The following FBLN1 variants were observed in gnomAD, a reference collection of about 807,000 sequenced individuals.
FBLN1 encodes the protein fibulin-1.
In FBLN1, 34 loss-of-function variants were observed where a neutral mutation model predicts 89.7. The observed-to-expected ratio is 0.38, with a 90% CI of 0.29 to 0.50. FBLN1 has a LOEUF of 0.50. Ranked by LOEUF, FBLN1 falls within the 20% of genes least tolerant of loss-of-function variation. The pLI, the probability that FBLN1 is intolerant of heterozygous loss-of-function variation, is 0.92. For missense variants in FBLN1, 777 were observed against 988.1 expected (o/e 0.79, Z 2.86); for synonymous variants, 393 against 391.3 (o/e 1.00, Z -0.05).
rs982706182 is a variant in FBLN1, at chr22:45,581,683, G to A, written c.1972+4575G>A. The stretch of plus-strand genomic sequence containing the variant: ...TGCAGGCCAGCCCCTCCTGTCGCAC[G>A]GGCATGACCATGGGGCAGTCAGGGG... On this transcript the variant is annotated intron_variant, in intron 16 of 16. Transcript: ENST00000327858. This position sits in a 1 kb window ranked among gnomAD's most constrained non-coding sequence, Gnocchi z 7.6. Among the ~76,000 whole-genome samples, 2 of 152,068 alleles carry A rather than the reference G, an allele frequency of 1.3e-5. No homozygotes were observed. Among genetic ancestry groups the A allele is most frequent in the African/African-American group, 4.8e-5 (2 of 41,418 alleles).
intron 8 of FBLN1, among the ~76,000 whole-genome samples, chr22:45,540,691 T>C (rs573540661): frequency 3.9e-5 from 6 of 152,332 alleles, no homozygotes; most frequent in East Asian, 1.9e-4. Flanking sequence ...CACTTGCTCA[T>C]TGTATGTCAT....
rs145282536 is a variant in FBLN1 at position 45,590,941 on chromosome 22, CAGG to C, written c.1973-9361_1973-9359del. ...GGACTCCGAGTTTGGGTCGGGGGCC[CAGG>C]AGGACCCCACCCAGCAGGTAGGTGG... On this transcript the variant is annotated intron_variant, in intron 16 of 16. Coordinates refer to ENST00000327858, the MANE Select transcript of FBLN1 (RefSeq NM_006486.3). The surrounding 1 kb of genome is among the most constrained non-coding windows in gnomAD (Gnocchi z 4.1). 0.014 allele frequency among the ~76,000 whole-genome samples: 2,130 copies of C among 152,116 alleles called. 38 individuals carry two copies. Among genetic ancestry groups the C allele is most frequent in the African/African-American group, 0.048 (1,986 of 41,500 alleles).
Position 45,563,208 on chromosome 22 carries a change from A to T in FBLN1, c.1698-11303A>T, listed in dbSNP as rs2088870404. The T allele has an allele frequency of 6.2e-7, 1 of 1,613,634 alleles. No individual in the cohort carries two copies. Among genetic ancestry groups the T allele is most frequent in the Non-Finnish European group, 8.5e-7 (1 of 1,180,038 alleles). On this transcript the variant is annotated intron_variant, in intron 14 of 16. Transcript: ENST00000327858. The surrounding 1 kb of genome is among the most constrained non-coding windows in gnomAD (Gnocchi z 5.7). ...ACCGTCAAGATGGATCTCTCTCGCC[A>T]CGGCACCGTCAGCTCCTTTGTGGCC...
At position 45,504,462 on chromosome 22, in the gene FBLN1, A is replaced by G. The variant is rs1317892582; in HGVS notation, c.79+1398A>G. Among the ~76,000 whole-genome samples, 15 of 151,900 alleles carry G rather than the reference A, an allele frequency of 9.9e-5. 1 individual carries two copies. In the South Asian group the frequency reaches 3.1e-3, roughly 32 times the overall value. On this transcript the variant is annotated intron_variant, in intron 1 of 16. Transcript: ENST00000327858. Reference sequence around the variant, plus strand: ...AGCTTGATGTAAGGGGAGCGCGGGAAGAGGGCATTCCAGCAAGCAGCAGGC... The same window carrying G: ...AGCTTGATGTAAGGGGAGCGCGGGAGGAGGGCATTCCAGCAAGCAGCAGGC...
At chr22:45,509,498 G>A (rs1346357555) in intron 1 of FBLN1, among the ~76,000 whole-genome samples, 4 of 152,156 alleles carry the variant, frequency 2.6e-5, no homozygotes, top group Non-Finnish European at 5.9e-5. Context: ...GCTCCAGTTC[G>A]CCCTGCTTCC....
intron 1 of FBLN1, among the ~76,000 whole-genome samples, chr22:45,516,724 C>T (rs1569235040): frequency 6.6e-6 from 1 of 152,338 alleles, no homozygotes; most frequent in East Asian, 1.9e-4. Flanking sequence ...CACCCTTACC[C>T]ACGCCACTGC....
At chr22:45,514,525 G>A (rs1194877372) in intron 1 of FBLN1, among the ~76,000 whole-genome samples, 2 of 152,170 alleles carry the variant, frequency 1.3e-5, no homozygotes, top group Non-Finnish European at 2.9e-5. Flanking sequence ...ATTCTAACCA[G>A]CCCCGTATTT....
At chr22:45,518,492 G>A (rs1457858657) in intron 1 of FBLN1, 190 bp from the exon 2 acceptor site, 3 of 645,202 alleles carry the variant, frequency 4.6e-6, no homozygotes, top group Admixed American at 4.2e-5. Flanking sequence ...AGGAAGGAGT[G>A]GGGTGTGGAC....
chr22:45,531,155 C>T lies in FBLN1; in HGVS notation c.485-110C>T. 2 of 898,566 alleles carry T rather than the reference C, an allele frequency of 2.2e-6. No homozygotes were observed. Among genetic ancestry groups the T allele is most frequent in the South Asian group, 2.7e-5 (2 of 75,466 alleles). 55.7% of individuals were successfully genotyped at this position (898,566 alleles called of 1,614,324 possible). ...TACTTAGCTGTTTATATAAGATGTTCAAATGGGCATTACTGCCTGATAGTG... is the reference window on the plus strand; with the variant it reads ...TACTTAGCTGTTTATATAAGATGTTTAAATGGGCATTACTGCCTGATAGTG... On this transcript the variant is annotated intron_variant, in intron 4 of 16. Coordinates refer to ENST00000327858, the MANE Select transcript of FBLN1 (RefSeq NM_006486.3). The surrounding 1 kb of genome is among the most constrained non-coding windows in gnomAD (Gnocchi z 4.9).
intron 16 of FBLN1, among the ~76,000 whole-genome samples, chr22:45,596,790 CAT>C (rs2089190788): frequency 7.9e-6 from 1 of 126,322 alleles, no homozygotes; most frequent in East Asian, 2.0e-4. Flanking sequence ...ATTATATTTA[CAT>C]ATAAATACAC....
rs1920924995 is a variant in FBLN1 at position 45,600,372 on chromosome 22, T to C, written c.2038T>C (p.Tyr680His). ...TGCCGTCCTGAAGCTGGAGATGAAC[T>C]ATGTGGTCGGGGGCGTGGTCTCCCA... ...FHAVLKLEMN[Y>H]VVGGVVSHRN... Residue 680 changes from tyrosine (Y) to histidine (H), a missense_variant, in exon 17 of 17, where the codon TAT (tyrosine) becomes CAT (histidine). By Grantham distance (83) the Tyr-to-His change is moderately conservative. Transcript: ENST00000327858. The C allele has an allele frequency of 6.2e-7, 1 of 1,614,082 alleles. No homozygotes were observed. Among genetic ancestry groups the C allele is most frequent in the South Asian group, 1.1e-5 (1 of 91,088 alleles).
rs2088661181 is a variant in FBLN1, at chr22:45,548,594, G to A, written c.1442-19G>A. ...CAGGTGCCAGGACACTGAGGCTGAGGTGGGCTTTGCCGTTGCAGACATCGA... is the reference window on the plus strand; with the variant it reads ...CAGGTGCCAGGACACTGAGGCTGAGATGGGCTTTGCCGTTGCAGACATCGA... On this transcript the variant is annotated intron_variant, in intron 12 of 16. Coordinates refer to ENST00000327858, the MANE Select transcript of FBLN1 (RefSeq NM_006486.3). 6.2e-7 allele frequency: 1 copy of A among 1,613,368 alleles called. No homozygotes were observed. Among genetic ancestry groups the A allele is most frequent in the South Asian group, 1.1e-5 (1 of 91,078 alleles).
chr22:45,548,788 G>A (rs770889490), intron 13 of FBLN1, 44 bp downstream of exon 13: 1 of 1,608,738 alleles, frequency 6.2e-7, no homozygotes, highest in Admixed American at 1.7e-5. Context: ...CTCTGCTTGG[G>A]GCCCTGCAAT....
rs2089198446 is a variant in FBLN1 at position 45,597,688 on chromosome 22, C to T, written c.1973-2619C>T. ...ACAGGCGCACGTCTTTTGCCGGGAG[C>T]TGAAGACGTTCATGGGCTTTCAAGC... On this transcript the variant is annotated intron_variant, in intron 16 of 16. Transcript: ENST00000327858. This position sits in a 1 kb window ranked among gnomAD's most constrained non-coding sequence, Gnocchi z 4.2. Among the ~76,000 whole-genome samples, 3 of 152,168 alleles carry T rather than the reference C, an allele frequency of 2.0e-5. No homozygotes were observed. The highest frequency in any genetic ancestry group is 7.2e-5 in the African/African-American group (3 of 41,436).
At position 45,563,144 on chromosome 22, in the gene FBLN1, C is replaced by T. The variant is rs1569257951; in HGVS notation, c.1698-11367C>T. On this transcript the variant is annotated intron_variant, in intron 14 of 16. Transcript: ENST00000327858. The surrounding 1 kb of genome is among the most constrained non-coding windows in gnomAD (Gnocchi z 5.7). ...GAGCCCCCACAGTGGGGTGGTGGCC[C>T]TCACCAAGCCTGTCCCCGAGCCCAG... is the stretch of plus-strand genomic sequence containing the variant. 1 of 1,613,480 alleles carries T rather than the reference C, an allele frequency of 6.2e-7. No homozygotes were observed. The highest frequency in any genetic ancestry group is 1.1e-5 in the South Asian group (1 of 91,080).
intron 13 of FBLN1, 89 bp downstream of exon 13, chr22:45,548,833 T>C: frequency 6.4e-7 from 1 of 1,574,040 alleles, no homozygotes; most frequent in Middle Eastern, 2.3e-4. Flanking sequence ...GGGGCTGTGC[T>C]TCCCCAACCC....
intron 16 of FBLN1, among the ~76,000 whole-genome samples, chr22:45,600,052 C>T (rs2089218010): frequency 6.6e-6 from 1 of 152,242 alleles, no homozygotes; most frequent in African/African-American, 2.4e-5. Context: ...CCAGGTTGGG[C>T]AGTGCATGAT....
At chr22:45,599,449 T>C (rs2089212542) in intron 16 of FBLN1, among the ~76,000 whole-genome samples, 1 of 152,074 alleles carries the variant, frequency 6.6e-6, no homozygotes, top group South Asian at 2.1e-4. Context: ...CTGGGGGTGC[T>C]CTGCTTGCAG....
chr22:45,551,776 C>G lies in FBLN1; in HGVS notation c.1697+1161C>G, dbSNP rs185815926. On this transcript the variant is annotated intron_variant, in intron 14 of 16. Coordinates refer to ENST00000327858, the MANE Select transcript of FBLN1 (RefSeq NM_006486.3). ...GCTTCTCTGAGCCATTAAGAAAGTT[C>G]GATGGCCTTGGCTGCAGGCTGTGCA... Among the ~76,000 whole-genome samples the G allele has an allele frequency of 4.6e-5, 7 of 152,348 alleles. No individual in the cohort carries two copies. The East Asian group carries it at 7.7e-4, about 17-fold the overall frequency.
Sources: gnomAD v4.1 joint callset for allele counts (sites outside exome capture counted in the v4.1 genomes callset) on GRCh38, gnomAD v4.1.1 for gene constraint, Gnocchi (gnomAD v3.1) non-coding constraint, MANE v1.5 for transcripts, NCBI Gene and HGNC (gene_info 2026-07-23, HGNC 2026-07-21) for gene names.